Variants in SEMA3A observed in about 807,000 individuals in gnomAD.
The protein encoded by SEMA3A is semaphorin-3A.
SEMA3A carries 29 observed loss-of-function variants against 97.9 expected under a neutral mutation model. The observed-to-expected ratio is 0.30, with a 90% CI of 0.22 to 0.40. The LOEUF (loss-of-function observed/expected upper bound fraction) is 0.40. SEMA3A is among the 10% of genes least tolerant of loss of function. The pLI, the probability that SEMA3A is intolerant of heterozygous loss-of-function variation, is 1.00. For missense variants in SEMA3A, 763 were observed against 951.3 expected (o/e 0.80, Z 2.60); for synonymous variants, 321 against 323.7 (o/e 0.99, Z 0.09).
At position 84,429,516 on chromosome 7, in the gene SEMA3A, T is replaced by TTTTATATATATATATATATATATA. The variant is rs1554385260; in HGVS notation, c.-245-57617_-245-57616insTATATATATATATATATATATAAA. Among the ~76,000 whole-genome samples, 223 of 72,350 alleles carry TTTTATATATATATATATATATATA rather than the reference T, an allele frequency of 3.1e-3. 18 individuals carry two copies. The highest frequency in any genetic ancestry group is 0.01 in the African/African-American group (141 of 14,098). The allele number at this position is 72,350 out of a possible 152,430, so 47.5% of individuals were successfully genotyped here. On this transcript the variant is annotated intron_variant, in intron 1 of 3. Coordinates refer to the SEMA3A transcript ENST00000424555. ...TTGCATTAGTAAAATATAGAGTTTGTTATATATATATATATATATATATAT... is the reference window on the plus strand; with the variant it reads ...TTGCATTAGTAAAATATAGAGTTTGTTTTATATATATATATATATATATATATATATATATATATATATATATAT...
chr7:84,375,503 T>C (rs866000021), intron 1 of SEMA3A, among the ~76,000 whole-genome samples: 37 of 152,328 alleles, frequency 2.4e-4, no homozygotes, highest in African/African-American at 8.7e-4. Context: ...TTGATCTATA[T>C]GCCAATCCAA....
In SEMA3A at chr7:84,007,456, C is replaced by T. The variant is rs1342317170; in HGVS notation, c.1037G>A (p.Ser346Asn). The T allele has an allele frequency of 6.2e-7, 1 of 1,605,136 alleles. No homozygotes were observed. Among genetic ancestry groups the T allele is most frequent in the Non-Finnish European group, 8.5e-7 (1 of 1,175,704 alleles). The change falls in exon 10 of 17, where the codon AGT becomes AAT. Residue 346 changes from serine to asparagine, a missense_variant. This residue lies in a region of SEMA3A where 678 missense variants were observed against 881.3 expected (regional missense o/e 0.77). Coordinates refer to ENST00000265362, the MANE Select transcript of SEMA3A (RefSeq NM_006080.3). ...ACCAAGGAACACCCTTCTCACATCACTCATGCTATACATACACACGGCTGA... is the reference window on the plus strand; with the variant it reads ...ACCAAGGAACACCCTTCTCACATCATTCATGCTATACATACACACGGCTGA... ...KGSAVCMYSMSDVRRVFLGPY... is the reference protein window; with the variant it reads ...KGSAVCMYSMNDVRRVFLGPY...
chr7:84,176,364 A>G (rs1299580083), intron 1 of SEMA3A, among the ~76,000 whole-genome samples: 2 of 152,158 alleles, frequency 1.3e-5, no homozygotes, highest in East Asian at 1.9e-4. Context: ...TATGTTTTCT[A>G]TTGGGATTTC....
chr7:84,132,662 G>GTTTTTTGTTT (rs1795999283), intron 2 of SEMA3A, among the ~76,000 whole-genome samples: 1 of 86,630 alleles, frequency 1.2e-5, no homozygotes, highest in African/African-American at 4.0e-5. Context: ...TCGACTTGGT[G>GTTTTTTGTTT]TTTTTTTTTT....
intron 1 of SEMA3A, among the ~76,000 whole-genome samples, chr7:84,165,698 G>A (rs1390781089): frequency 1.3e-5 from 2 of 151,978 alleles, no homozygotes; most frequent in Non-Finnish European, 2.9e-5. Flanking sequence ...GATTACAGGT[G>A]TGGGCCACCA....
intron 1 of SEMA3A, among the ~76,000 whole-genome samples, chr7:84,150,576 G>A (rs948455931): frequency 3.9e-5 from 6 of 152,174 alleles, no homozygotes; most frequent in Non-Finnish European, 8.8e-5. Context: ...CCCGCACCTG[G>A]CTCAGAGGGT....
At chr7:84,260,433 C>A (rs1236501942) in intron 3 of SEMA3A, among the ~76,000 whole-genome samples, 1 of 152,164 alleles carries the variant, frequency 6.6e-6, no homozygotes, top group South Asian at 2.1e-4. Context: ...GGAGCCCACA[C>A]TCCCAAGCTC....
intron 3 of SEMA3A, among the ~76,000 whole-genome samples, chr7:84,208,428 G>T (rs1460517696): frequency 3.3e-5 from 5 of 149,970 alleles, no homozygotes. Flanking sequence ...GTCCAGCCTG[G>T]GTGACAGAGA....
At chr7:84,264,898 A>T (rs1207493028) in intron 3 of SEMA3A, among the ~76,000 whole-genome samples, 1 of 152,038 alleles carries the variant, frequency 6.6e-6, no homozygotes, top group Non-Finnish European at 1.5e-5. Context: ...AGTTGTCTAA[A>T]CTTGTGTCCC....
chr7:84,328,829 T>A (rs2115939453), intron 2 of SEMA3A, among the ~76,000 whole-genome samples: 1 of 152,068 alleles, frequency 6.6e-6, no homozygotes, highest in Admixed American at 6.6e-5. Context: ...GACATACAAA[T>A]ACATGATGAA....
rs79419501 is a variant in SEMA3A at position 83,983,418 on chromosome 7, C to T, written c.1495-1940G>A. ...ATCAAGATCTCTGTTTCGCCAATAA[C>T]GTCTAAGAAGCATGAGCAAAATGTA... is the stretch of plus-strand genomic sequence containing the variant. On this transcript the variant is annotated intron_variant, in intron 13 of 16. Coordinates refer to ENST00000265362, the MANE Select transcript of SEMA3A (RefSeq NM_006080.3). Among the ~76,000 whole-genome samples, 786 of 151,892 alleles carry T rather than the reference C, an allele frequency of 5.2e-3. 9 individuals carry two copies. The highest frequency in any genetic ancestry group is 0.018 in the African/African-American group (746 of 41,474).
chr7:84,474,704 C>A (rs1160383700), intron 1 of SEMA3A, among the ~76,000 whole-genome samples: 1 of 152,028 alleles, frequency 6.6e-6, no homozygotes, highest in Non-Finnish European at 1.5e-5. Context: ...TAATTAATAG[C>A]CGGTATTCTT....
At chr7:84,366,142 A>G (rs1584267966) in intron 2 of SEMA3A, among the ~76,000 whole-genome samples, 1 of 151,476 alleles carries the variant, frequency 6.6e-6, no homozygotes, top group Non-Finnish European at 1.5e-5. Context: ...TCTATATGTC[A>G]AAGACCTCCT....
intron 4 of SEMA3A, among the ~76,000 whole-genome samples, chr7:84,083,672 G>C (rs2527034): frequency 0.38 from 57,953 of 151,698 alleles, 13,029 homozygotes; most frequent in African/African-American, 0.64. Flanking sequence ...CTATATAATT[G>C]TATATCAATT....
Position 83,955,979 on chromosome 7 carries a change from T to C in SEMA3A, c.*5392A>G, listed in dbSNP as rs986685889. The C allele has an allele frequency of 6.6e-5, 10 of 152,192 alleles. No individual in the cohort carries two copies. Among genetic ancestry groups the C allele is most frequent in the African/African-American group, 2.4e-4 (10 of 41,454 alleles). The allele number at this position is 152,192 out of a possible 1,614,324, so 9.4% of individuals were successfully genotyped here. A position where few individuals can be genotyped will look rare whatever the true frequency, so the allele number is the denominator to read the frequency against. On this transcript the variant is annotated 3_prime_UTR_variant, in exon 17 of 17. Coordinates refer to ENST00000265362, the MANE Select transcript of SEMA3A (RefSeq NM_006080.3). The stretch of plus-strand genomic sequence containing the variant: ...TTAAAAGAAAGAAAATCCATTCTTT[T>C]GTTATATGAGAAAAACATGACAGAT...
intron 7 of SEMA3A, among the ~76,000 whole-genome samples, chr7:84,012,056 T>C (rs1168869707): frequency 6.6e-6 from 1 of 151,830 alleles, no homozygotes; most frequent in Admixed American, 6.6e-5. Flanking sequence ...ATGCAGAGAG[T>C]AGAATGGTGG....
At chr7:84,033,239 C>T (rs1166586977) in intron 6 of SEMA3A, among the ~76,000 whole-genome samples, 2 of 152,262 alleles carry the variant, frequency 1.3e-5, no homozygotes, top group East Asian at 1.9e-4. Flanking sequence ...ACCTCTACTA[C>T]ATATTTTTAA....
At chr7:84,018,197 C>T (rs1321593067) in intron 6 of SEMA3A, among the ~76,000 whole-genome samples, 1 of 152,084 alleles carries the variant, frequency 6.6e-6, no homozygotes, top group Non-Finnish European at 1.5e-5. Context: ...TTAGCAATAA[C>T]TCCCTCCTTT....
chr7:84,207,363 A>G (rs1798517271), intron 3 of SEMA3A, among the ~76,000 whole-genome samples: 1 of 152,236 alleles, frequency 6.6e-6, no homozygotes, highest in Non-Finnish European at 1.5e-5. Flanking sequence ...TTTAAAACAA[A>G]TTCTGAAGGT....
Sources: gnomAD v4.1 joint callset for allele counts (sites outside exome capture counted in the v4.1 genomes callset) on GRCh38, gnomAD v4.1.1 for gene constraint, gnomAD v4.1.1 regional missense constraint, MANE v1.5 for transcripts, NCBI Gene and HGNC (gene_info 2026-07-23, HGNC 2026-07-21) for gene names.